The following LRRC72 variants were observed in gnomAD, a reference collection of about 807,000 sequenced individuals.
LRRC72 encodes the protein leucine rich repeat containing 72.
A neutral mutation model predicts 35.8 loss-of-function variants in LRRC72; 41 were observed. That is an observed-to-expected ratio of 1.15 (90% CI 0.89 to 1.49). LRRC72 has a LOEUF of 1.49. Ranked by LOEUF, LRRC72 falls within the 40% of genes most tolerant of loss-of-function variation. The pLI, the probability that LRRC72 is intolerant of heterozygous loss-of-function variation, is 0.00. For synonymous variants in LRRC72, 118 were observed against 119.2 expected, an observed-to-expected ratio of 0.99 and a Z score of 0.07; for missense variants, 389 against 330.7, an observed-to-expected ratio of 1.18 and a Z score of -1.37.
chr7:16,557,318 G>C (rs1057172499), intron 3 of LRRC72, 42 bp from the exon 4 acceptor site: 2 of 620,620 alleles, frequency 3.2e-6, no homozygotes, highest in Non-Finnish European at 4.9e-6. Context: ...AATATATACA[G>C]TTATTATAGA....
intron 2 of LRRC72, among the ~76,000 whole-genome samples, chr7:16,534,888 G>A (rs1782226773): frequency 6.6e-6 from 1 of 152,130 alleles, no homozygotes. Context: ...TATTATTTGT[G>A]CAAATTTCCT....
chr7:16,560,862 AAAT>A (rs1218643487), intron 5 of LRRC72, among the ~76,000 whole-genome samples: 1 of 152,190 alleles, frequency 6.6e-6, no homozygotes, highest in African/African-American at 2.4e-5. Flanking sequence ...ACGATATTTT[AAAT>A]AATAATCATA....
chr7:16,557,134 G>A (rs569654653), intron 3 of LRRC72, among the ~76,000 whole-genome samples: 31 of 152,078 alleles, frequency 2.0e-4, no homozygotes, highest in Non-Finnish European at 3.8e-4. Context: ...TGGTAAGAGA[G>A]GTTTAAGTTA....
chr7:16,569,639 T>A (rs186282414), intron 7 of LRRC72, among the ~76,000 whole-genome samples: 1 of 152,160 alleles, frequency 6.6e-6, no homozygotes, highest in Non-Finnish European at 1.5e-5. Context: ...ATGAATTTAT[T>A]TGGGAGTAAG....
At chr7:16,574,193 C>A (rs900692778) in intron 7 of LRRC72, among the ~76,000 whole-genome samples, 5 of 152,298 alleles carry the variant, frequency 3.3e-5, no homozygotes, top group African/African-American at 4.8e-5. Flanking sequence ...TGCTTTTACA[C>A]TCTTGGGGCA....
chr7:16,576,565 A>G (rs1414583644), intron 7 of LRRC72, among the ~76,000 whole-genome samples: 1 of 152,164 alleles, frequency 6.6e-6, no homozygotes, highest in African/African-American at 2.4e-5. Flanking sequence ...GGTTGTACCA[A>G]TTTTCATTAC....
intron 3 of LRRC72, among the ~76,000 whole-genome samples, 163 bp downstream of exon 3, chr7:16,537,859 T>C (rs1422427138): frequency 2.0e-5 from 3 of 152,246 alleles, no homozygotes; most frequent in African/African-American, 7.2e-5. Context: ...ATATATATAT[T>C]TGGTATACAT....
chr7:16,538,477 AG>A (rs1171232725), intron 3 of LRRC72, among the ~76,000 whole-genome samples: 1 of 152,178 alleles, frequency 6.6e-6, no homozygotes, highest in Non-Finnish European at 1.5e-5. Flanking sequence ...CTTAAAACTG[AG>A]GGTCTTTTGG....
chr7:16,581,337 G>A lies in LRRC72; in HGVS notation c.712G>A (p.Asp238Asn), dbSNP rs757731372. 1.1e-5 allele frequency: 17 copies of A among 1,508,316 alleles called. No homozygotes were observed. The allele number at this position is 1,508,316 out of a possible 1,614,324, so 93.4% of individuals were successfully genotyped here. A position where few individuals can be genotyped will look rare whatever the true frequency, so the allele number is the denominator to read the frequency against. The part of the protein sequence containing the change: ...ANNVDKTVLD[D>N]PEDAVFVRSM... The stretch of plus-strand genomic sequence containing the variant: ...TTTTTTTTGCAGAACTGTGCTTGAT[G>A]ACCCAGAAGATGCTGTTTTTGTGAG... The change falls in exon 9 of 9, where the codon GAC (aspartate) becomes AAC (asparagine). Residue 238 changes from aspartate (D) to asparagine (N), a missense_variant. By Grantham distance (23) the Asp-to-Asn change is conservative (BLOSUM62 1). Coordinates refer to ENST00000401542, the MANE Select transcript of LRRC72 (RefSeq NM_001195280.2).
At chr7:16,565,703 A>G (rs1782818584) in intron 5 of LRRC72, among the ~76,000 whole-genome samples, 2 of 152,272 alleles carry the variant, frequency 1.3e-5, no homozygotes, top group South Asian at 4.1e-4. Context: ...ACATCCTAGC[A>G]CCTGCACACC....
chr7:16,573,271 T>G (rs1583653834), intron 7 of LRRC72, among the ~76,000 whole-genome samples: 1 of 152,120 alleles, frequency 6.6e-6, no homozygotes, highest in Non-Finnish European at 1.5e-5. Context: ...CAAGCTACCA[T>G]TGACTTTCTT....
intron 7 of LRRC72, among the ~76,000 whole-genome samples, chr7:16,573,912 A>G (rs1437219759): frequency 1.3e-5 from 2 of 152,228 alleles, no homozygotes; most frequent in Non-Finnish European, 2.9e-5. Flanking sequence ...CATCTGATGA[A>G]GGGCTAATAT....
intron 3 of LRRC72, among the ~76,000 whole-genome samples, chr7:16,538,844 C>T (rs1421317957): frequency 6.6e-6 from 1 of 152,176 alleles, no homozygotes; most frequent in Non-Finnish European, 1.5e-5. Flanking sequence ...GCCTTGCTTC[C>T]CCTTCACCTT....
intron 7 of LRRC72, among the ~76,000 whole-genome samples, chr7:16,569,069 A>T (rs931653258): frequency 5.9e-5 from 9 of 152,228 alleles, no homozygotes; most frequent in African/African-American, 2.2e-4. Flanking sequence ...GCCCACATAT[A>T]TTCAACAAGT....
In LRRC72 at chr7:16,554,207, G is replaced by A. The variant is rs541269981; in HGVS notation, c.235-3153G>A. On this transcript the variant is annotated intron_variant, in intron 3 of 8. Transcript: ENST00000401542. ...TAGCTGGGTGCGGTGGCACACGCCT[G>A]TAATCCCAGCTACTCGGGAGGCTGA... Among the ~76,000 whole-genome samples the A allele has an allele frequency of 2.0e-5, 3 of 152,330 alleles. No individual in the cohort carries two copies. In the East Asian group the frequency reaches 5.8e-4, roughly 29 times the overall value.
chr7:16,574,236 T>G (rs550195858), intron 7 of LRRC72, among the ~76,000 whole-genome samples: 1 of 152,194 alleles, frequency 6.6e-6, no homozygotes, highest in African/African-American at 2.4e-5. Context: ...TGGAAGACAA[T>G]GTGGCGATTC....
At chr7:16,534,017 T>C (rs1782211220) in intron 2 of LRRC72, among the ~76,000 whole-genome samples, 3 of 152,268 alleles carry the variant, frequency 2.0e-5, no homozygotes, top group Admixed American at 6.5e-5. Context: ...AGTAGATAAT[T>C]AATCGACTCC....
chr7:16,566,210 T>G, intron 5 of LRRC72, 103 bp from the exon 6 acceptor site: 1 of 654,178 alleles, frequency 1.5e-6, no homozygotes, highest in Admixed American at 3.6e-5. Context: ...GCTTTACAAG[T>G]TCTTATGTTT....
chr7:16,527,040 C>G lies in LRRC72; in HGVS notation c.88C>G (p.Arg30Gly). 2 of 1,537,718 alleles carry G rather than the reference C, an allele frequency of 1.3e-6. No homozygotes were observed. The highest frequency in any genetic ancestry group is 2.0e-5 in the Admixed American group (1 of 51,006). ...ASETALQSSRRAVEDQLKICG... is the reference protein window; with the variant it reads ...ASETALQSSRGAVEDQLKICG... ...CGAAACTGCCCTACAGAGCAGTCGC[C>G]GGGTAAGCGGCACCTGCCTTCCCAA... is the stretch of plus-strand genomic sequence containing the variant. The change falls in exon 1 of 9, where the codon CGG becomes GGG. Residue 30 changes from arginine (R) to glycine (G), a missense_variant and splice_region_variant. Coordinates refer to ENST00000401542, the MANE Select transcript of LRRC72 (RefSeq NM_001195280.2).
Sources: allele counts gnomAD v4.1 joint callset (sites outside exome capture counted in the v4.1 genomes callset), GRCh38; gene constraint gnomAD v4.1.1; transcripts MANE v1.5; gene names NCBI Gene and HGNC (gene_info 2026-07-23, HGNC 2026-07-21).